PTPRB: variants seen among roughly 807,000 people sequenced by gnomAD.
PTPRB encodes the protein receptor-type tyrosine-protein phosphatase beta.
PTPRB carries 97 observed loss-of-function variants against 238.1 expected under a neutral mutation model. That is an observed-to-expected ratio of 0.41 (90% CI 0.35 to 0.48). The LOEUF is 0.48. PTPRB is among the 20% of genes least tolerant of loss of function. The pLI is 0.30. For synonymous variants in PTPRB, 970 were observed against 995.4 expected, an observed-to-expected ratio of 0.97 and a Z score of 0.48; for missense variants, 2,292 against 2,681.9, an observed-to-expected ratio of 0.85 and a Z score of 3.21.
rs887599653 is a variant in PTPRB, at chr12:70,609,554, A to G, written c.709-215T>C. ...CTGTCCCTTGAGAGCAGCTGGAGAG[A>G]GAAGGTGGCTTTTTGCTTTGACAGC... On this transcript the variant is annotated intron_variant, in intron 3 of 33. Transcript: ENST00000334414. Among the ~76,000 whole-genome samples the G allele has an allele frequency of 5.3e-5, 8 of 152,294 alleles. No individual in the cohort carries two copies. The South Asian group carries it at 1.7e-3, about 32-fold the overall frequency.
chr12:70,596,245 GGAA>G lies in PTPRB; in HGVS notation c.1059_1061del (p.Ser354del), dbSNP rs1883002230. On this transcript the variant is annotated inframe_deletion, in exon 5 of 34. Transcript: ENST00000334414. ...GCACCTCATATGAGGTGACTTTTCC[GGAA>G]GAAGGAGTCCACCAAACATGCAAGC... The G allele has an allele frequency of 1.9e-6, 3 of 1,612,702 alleles. No individual in the cohort carries two copies. The highest frequency in any genetic ancestry group is 1.7e-5 in the Admixed American group (1 of 59,888).
intron 15 of PTPRB, among the ~76,000 whole-genome samples, chr12:70,565,313 A>G (rs1044671731): frequency 2.0e-5 from 3 of 152,182 alleles, no homozygotes; most frequent in Admixed American, 6.5e-5. Flanking sequence ...TTTGGCTCCA[A>G]TCTGGCTTTC....
At chr12:70,535,880 CTT>C in intron 29 of PTPRB, 143 bp downstream of exon 29, 1 of 969,302 alleles carries the variant, frequency 1.0e-6, no homozygotes, top group Non-Finnish European at 1.5e-6. Flanking sequence ...CTATTAGAGT[CTT>C]TTGAACAGAG....
intron 4 of PTPRB, among the ~76,000 whole-genome samples, chr12:70,597,975 T>A (rs1468581076): frequency 1.3e-5 from 2 of 152,228 alleles, no homozygotes; most frequent in African/African-American, 4.8e-5. Context: ...GCCACATTTA[T>A]AACATCAATA....
intron 6 of PTPRB, among the ~76,000 whole-genome samples, chr12:70,593,000 GC>G (rs1381859673): frequency 7.2e-5 from 11 of 152,210 alleles, no homozygotes; most frequent in Admixed American, 2.6e-4. Flanking sequence ...ATTTCTTATC[GC>G]CTTTATATAT....
intron 2 of PTPRB, among the ~76,000 whole-genome samples, chr12:70,633,417 G>A (rs985903511): frequency 6.6e-6 from 1 of 151,944 alleles, no homozygotes; most frequent in African/African-American, 2.4e-5. Flanking sequence ...TCCTGCCTGG[G>A]CAACAGAGCA....
intron 5 of PTPRB, among the ~76,000 whole-genome samples, chr12:70,595,455 A>G (rs972080597): frequency 6.6e-6 from 1 of 152,212 alleles, no homozygotes; most frequent in African/African-American, 2.4e-5. Flanking sequence ...TAAATATCCC[A>G]GAACTTAAAG....
chr12:70,560,603 A>G lies in PTPRB; in HGVS notation c.4432+68T>C. 1 of 1,580,152 alleles carries G rather than the reference A, an allele frequency of 6.3e-7. No individual in the cohort carries two copies. ...GGCTTTATCTCTTGTCATTAAAATC[A>G]GAATCAAAATGTGTCTCTGGAAGCT... On this transcript the variant is annotated intron_variant, in intron 17 of 33. Transcript: ENST00000334414. This position sits in a 1 kb window ranked among gnomAD's most constrained non-coding sequence, Gnocchi z 4.2.
chr12:70,632,127 G>A (rs564348355), intron 2 of PTPRB, among the ~76,000 whole-genome samples: 41 of 152,150 alleles, frequency 2.7e-4, no homozygotes, highest in South Asian at 2.5e-3. Flanking sequence ...ACACATGCAC[G>A]TGTATATTTA....
chr12:70,569,674 C>T lies in PTPRB; in HGVS notation c.3634+1G>A. On this transcript the variant is annotated splice_donor_variant, in intron 14 of 33. Coordinates refer to ENST00000334414, the MANE Select transcript of PTPRB (RefSeq NM_001109754.4). LOFTEE classifies it high-confidence loss of function. ...TAGCCCTTCTCCAGGTGGATGCTTACCTGTCCGCCCAACCACATTTATCTG... is the reference window on the plus strand; with the variant it reads ...TAGCCCTTCTCCAGGTGGATGCTTATCTGTCCGCCCAACCACATTTATCTG... 1 of 1,613,686 alleles carries T rather than the reference C, an allele frequency of 6.2e-7. No homozygotes were observed. Among genetic ancestry groups the T allele is most frequent in the Non-Finnish European group, 8.5e-7 (1 of 1,179,840 alleles).
chr12:70,548,344 TCTCACA>T (rs1488087338), intron 21 of PTPRB, among the ~76,000 whole-genome samples: 71 of 20,482 alleles, frequency 3.5e-3, no homozygotes, highest in Middle Eastern at 0.025. Flanking sequence ...TCTCTCTCTC[TCTCACA>T]CACACACACA....
chr12:70,534,173 G>A (rs916887854), intron 31 of PTPRB, among the ~76,000 whole-genome samples: 1 of 152,190 alleles, frequency 6.6e-6, no homozygotes, highest in African/African-American at 2.4e-5. Context: ...TGATATGCCT[G>A]ATGATGGAAA....
intron 2 of PTPRB, among the ~76,000 whole-genome samples, chr12:70,633,524 T>A (rs573470326): frequency 2.0e-5 from 3 of 151,940 alleles, no homozygotes; most frequent in African/African-American, 7.2e-5. Context: ...AAAATATATC[T>A]GTTAGCTTAT....
intron 2 of PTPRB, among the ~76,000 whole-genome samples, chr12:70,628,467 T>C (rs913855252): frequency 2.6e-5 from 4 of 152,234 alleles, no homozygotes; most frequent in Admixed American, 6.5e-5. Flanking sequence ...AGGCATGGCC[T>C]ATCGGCCCAT....
intron 11 of PTPRB, among the ~76,000 whole-genome samples, chr12:70,575,217 C>A (rs1246993787): frequency 3.3e-5 from 5 of 152,156 alleles, no homozygotes; most frequent in Non-Finnish European, 2.9e-5. Context: ...GTCAGCCCTG[C>A]AACCCTGGAG....
intron 9 of PTPRB, among the ~76,000 whole-genome samples, chr12:70,586,097 G>T (rs913532560): frequency 6.6e-6 from 1 of 152,078 alleles, no homozygotes; most frequent in Non-Finnish European, 1.5e-5. Flanking sequence ...GAATAGTGCC[G>T]CAATAAACAT....
At chr12:70,603,522 G>C (rs1221579905) in intron 4 of PTPRB, among the ~76,000 whole-genome samples, 1 of 152,198 alleles carries the variant, frequency 6.6e-6, no homozygotes, top group African/African-American at 2.4e-5. Flanking sequence ...GTAGTGGAAA[G>C]AATACTGGAG....
chr12:70,580,867 C>T (rs192772694), intron 10 of PTPRB, among the ~76,000 whole-genome samples, 169 bp downstream of exon 10: 119 of 151,854 alleles, frequency 7.8e-4, no homozygotes, highest in African/African-American at 2.4e-3. Flanking sequence ...CATCACCCAT[C>T]GCCCAATTTC....
chr12:70,622,956 G>GT (rs957241924), intron 2 of PTPRB, among the ~76,000 whole-genome samples: 3 of 150,894 alleles, frequency 2.0e-5, no homozygotes, highest in Middle Eastern at 3.4e-3. Context: ...TTTAGGGGGG[G>GT]GGTCACTGAA....
Sources: gnomAD v4.1 joint callset for allele counts (sites outside exome capture counted in the v4.1 genomes callset) on GRCh38, gnomAD v4.1.1 for gene constraint, Gnocchi (gnomAD v3.1) non-coding constraint, MANE v1.5 for transcripts, NCBI Gene and HGNC (gene_info 2026-07-23, HGNC 2026-07-21) for gene names.